The following HECW2 variants were observed in gnomAD, a reference collection of about 807,000 sequenced individuals.
HECW2 encodes HECT, C2 and WW domain containing E3 ubiquitin protein ligase 2, also known as E3 ubiquitin-protein ligase HECW2.
HECW2 carries 61 observed loss-of-function variants against 175.2 expected under a neutral mutation model. That is an observed-to-expected ratio of 0.35 (90% confidence interval 0.28 to 0.43). The LOEUF (loss-of-function observed/expected upper bound fraction) is 0.43, where lower values mean the gene tolerates loss of function less well. Ranked by LOEUF, HECW2 falls within the 20% of genes least tolerant of loss-of-function variation. The probability of loss-of-function intolerance (pLI) is 1.00; values close to 1 mark genes in which losing one functional copy is unlikely to be tolerated. For synonymous variants in HECW2, 671 were observed against 731.0 expected (o/e 0.92, Z 1.32); for missense variants, 1,524 against 2,000.5 (o/e 0.76, Z 4.54).
intron 6 of HECW2, among the ~76,000 whole-genome samples, chr2:196,323,700 T>C (rs994603881): frequency 6.6e-6 from 1 of 152,228 alleles, no homozygotes; most frequent in Non-Finnish European, 1.5e-5. Flanking sequence ...GAAGACATAA[T>C]AATCTCATCC....
chr2:196,388,075 G>A (rs148631800), intron 2 of HECW2, among the ~76,000 whole-genome samples: 3 of 152,148 alleles, frequency 2.0e-5, no homozygotes, highest in East Asian at 1.9e-4. Context: ...AGGATTGCTT[G>A]AGCCCAGGAG....
intron 28 of HECW2, among the ~76,000 whole-genome samples, chr2:196,215,357 C>G (rs9288257): frequency 0.18 from 26,813 of 152,122 alleles, 5,583 homozygotes; most frequent in African/African-American, 0.51. Context: ...AACAGCAAAG[C>G]ATTTTTTTTC....
chr2:196,279,939 CA>C (rs1393891115), intron 14 of HECW2, among the ~76,000 whole-genome samples: 7 of 152,216 alleles, frequency 4.6e-5, no homozygotes, highest in Non-Finnish European at 1.0e-4. Context: ...CCATTTACCT[CA>C]GCATTGCAGT....
At chr2:196,321,734 A>G (rs1332984998) in intron 7 of HECW2, among the ~76,000 whole-genome samples, 1 of 152,106 alleles carries the variant, frequency 6.6e-6, no homozygotes, top group Non-Finnish European at 1.5e-5. Context: ...CATCAAAAGG[A>G]TAGTGCCAAA....
intron 17 of HECW2, among the ~76,000 whole-genome samples, chr2:196,258,393 A>G (rs1689150830): frequency 6.6e-6 from 1 of 152,200 alleles, no homozygotes; most frequent in South Asian, 2.1e-4. Context: ...TGCATTATAT[A>G]TTCAGTGTAA....
At chr2:196,406,082 C>T (rs1243980954) in intron 2 of HECW2, among the ~76,000 whole-genome samples, 2 of 152,148 alleles carry the variant, frequency 1.3e-5, no homozygotes, top group Admixed American at 6.5e-5. Context: ...AGCTAGAACC[C>T]CTTCCTTTCT....
chr2:196,454,648 G>C (rs531858000), intron 1 of HECW2, among the ~76,000 whole-genome samples: 41 of 152,270 alleles, frequency 2.7e-4, no homozygotes, highest in South Asian at 2.5e-3. Flanking sequence ...GTGCAGAGAA[G>C]GTAGCTATTT....
At chr2:196,508,858 T>C (rs1687851874) in intron 1 of HECW2, among the ~76,000 whole-genome samples, 1 of 152,120 alleles carries the variant, frequency 6.6e-6, no homozygotes, top group South Asian at 2.1e-4. Flanking sequence ...CACTTATTAC[T>C]CTGTAAAAAT....
chr2:196,534,718 C>T (rs1688958992), intron 1 of HECW2, among the ~76,000 whole-genome samples: 1 of 152,160 alleles, frequency 6.6e-6, no homozygotes, highest in Non-Finnish European at 1.5e-5. Context: ...TTAACACAAT[C>T]GCCTGCCCCG....
intron 1 of HECW2, among the ~76,000 whole-genome samples, chr2:196,568,515 G>T (rs559284659): frequency 6.6e-6 from 1 of 152,218 alleles, no homozygotes; most frequent in East Asian, 1.9e-4. Context: ...GGTTTATCAG[G>T]ACATAACCCC....
chr2:196,278,002 T>G (rs1393815603), intron 15 of HECW2, among the ~76,000 whole-genome samples: 3 of 130,470 alleles, frequency 2.3e-5, no homozygotes, highest in African/African-American at 5.5e-5. Context: ...GGGGGAGGGA[T>G]AGCATTAGGA....
At chr2:196,422,432 C>T (rs953545218) in intron 2 of HECW2, among the ~76,000 whole-genome samples, 6 of 152,018 alleles carry the variant, frequency 3.9e-5, no homozygotes, top group African/African-American at 1.5e-4. Flanking sequence ...TCTCTCTTCC[C>T]CTGACACTTG....
chr2:196,230,244 G>A lies in HECW2; in HGVS notation c.3765-1990C>T, dbSNP rs146268500. On this transcript the variant is annotated intron_variant, in intron 21 of 28. Transcript: ENST00000644978. The stretch of plus-strand genomic sequence containing the variant: ...GACTACCTGTCCCTCCTTATGCTGT[G>A]ACGAAGGCAGCCTTTGCGGCTTCCT... Among the ~76,000 whole-genome samples the A allele has an allele frequency of 3.8e-3, 573 of 152,294 alleles. 3 individuals carry two copies. The highest frequency in any genetic ancestry group is 6.8e-3 in the Middle Eastern group (2 of 292).
At chr2:196,383,863 G>C (rs1694274752) in intron 2 of HECW2, among the ~76,000 whole-genome samples, 1 of 152,148 alleles carries the variant, frequency 6.6e-6, no homozygotes, top group Admixed American at 6.5e-5. Context: ...TTATTTCACG[G>C]CAAAAGGTTA....
intron 1 of HECW2, among the ~76,000 whole-genome samples, chr2:196,541,054 A>T (rs935265088): frequency 6.6e-6 from 1 of 152,126 alleles, no homozygotes; most frequent in Non-Finnish European, 1.5e-5. Context: ...ATCCAAGTTA[A>T]CCTTCACTAA....
chr2:196,377,829 G>A (rs1694094180), intron 2 of HECW2, among the ~76,000 whole-genome samples: 1 of 152,172 alleles, frequency 6.6e-6, no homozygotes, highest in Non-Finnish European at 1.5e-5. Flanking sequence ...CTTACCAGCA[G>A]ATTAAGTCAA....
chr2:196,380,361 C>G (rs1694174220), intron 2 of HECW2, among the ~76,000 whole-genome samples: 1 of 152,202 alleles, frequency 6.6e-6, no homozygotes, highest in Non-Finnish European at 1.5e-5. Flanking sequence ...CCTGGGTATG[C>G]ACACAGCCCT....
chr2:196,524,270 G>T (rs1199890585), intron 1 of HECW2, among the ~76,000 whole-genome samples: 1 of 129,450 alleles, frequency 7.7e-6, no homozygotes, highest in African/African-American at 3.7e-5. Context: ...GCGTAGAGGT[G>T]TTTGTAGTAT....
intron 14 of HECW2, among the ~76,000 whole-genome samples, chr2:196,281,564 T>C (rs1215048288): frequency 8.0e-6 from 1 of 124,830 alleles, no homozygotes; most frequent in South Asian, 2.7e-4. Flanking sequence ...CATTTGAGCC[T>C]GGGAGGTGGT....
Sources: gnomAD v4.1 joint callset for allele counts (sites outside exome capture counted in the v4.1 genomes callset) on GRCh38, gnomAD v4.1.1 for gene constraint, MANE v1.5 for transcripts, NCBI Gene and HGNC (gene_info 2026-07-23, HGNC 2026-07-21) for gene names.